IPCEF1: variants seen among roughly 807,000 people sequenced by gnomAD.
IPCEF1 encodes interaction protein for cytohesin exchange factors 1, also known as interactor protein for cytohesin exchange factors 1.
IPCEF1 carries 31 observed loss-of-function variants against 50.9 expected under a neutral mutation model. The observed-to-expected ratio is 0.61, with a 90% CI of 0.46 to 0.82. The LOEUF (loss-of-function observed/expected upper bound fraction) is 0.82, where lower values mean the gene tolerates loss of function less well. IPCEF1 is among the 40% of genes least tolerant of loss of function. The pLI, the probability that IPCEF1 is intolerant of heterozygous loss-of-function variation, is 0.00. For synonymous variants in IPCEF1, 181 were observed against 192.0 expected (o/e 0.94, Z 0.47); for missense variants, 458 against 514.0 (o/e 0.89, Z 1.05).
intron 10 of IPCEF1, among the ~76,000 whole-genome samples, chr6:154,186,671 C>T (rs1801389049): frequency 6.6e-6 from 1 of 152,152 alleles, no homozygotes; most frequent in African/African-American, 2.4e-5. Context: ...ATTCTCCTGC[C>T]TCAGCCTCCC....
At chr6:154,305,624 C>A (rs1443568520) in intron 1 of IPCEF1, among the ~76,000 whole-genome samples, 4 of 152,318 alleles carry the variant, frequency 2.6e-5, no homozygotes, top group African/African-American at 9.6e-5. Context: ...TTGAAGGATG[C>A]AAAGTATTGT....
intron 11 of IPCEF1, among the ~76,000 whole-genome samples, chr6:154,161,912 C>A (rs1400276503): frequency 6.6e-6 from 1 of 152,210 alleles, no homozygotes; most frequent in African/African-American, 2.4e-5. Context: ...ATTTTCACAT[C>A]CTTTTTCTGG....
At chr6:154,328,054 G>A (rs1345295060) in intron 1 of IPCEF1, among the ~76,000 whole-genome samples, 2 of 152,154 alleles carry the variant, frequency 1.3e-5, no homozygotes, top group East Asian at 3.9e-4. Flanking sequence ...CACACACTGG[G>A]GCCTGTCAGA....
At chr6:154,261,535 C>T (rs9322455) in intron 3 of IPCEF1, among the ~76,000 whole-genome samples, 45,656 of 152,076 alleles carry the variant, frequency 0.3, 7,349 homozygotes, top group Middle Eastern at 0.42. Flanking sequence ...GAGACTGAAC[C>T]GATAGAACTT....
intron 1 of IPCEF1, among the ~76,000 whole-genome samples, chr6:154,321,778 T>TAAAAAAAAAAA (rs61648946): frequency 9.6e-5 from 5 of 51,932 alleles, no homozygotes; most frequent in African/African-American, 1.1e-4. Flanking sequence ...AGACTCTTTC[T>TAAAAAAAAAAA]AAAAAAAAAA....
intron 1 of IPCEF1, among the ~76,000 whole-genome samples, chr6:154,352,577 G>T (rs1021329220): frequency 1.3e-5 from 2 of 152,196 alleles, no homozygotes; most frequent in Non-Finnish European, 2.9e-5. Flanking sequence ...GCTCACATTT[G>T]TTCAGCCCTT....
chr6:154,211,568 C>T (rs1410254665), intron 9 of IPCEF1, among the ~76,000 whole-genome samples: 1 of 152,128 alleles, frequency 6.6e-6, no homozygotes, highest in Non-Finnish European at 1.5e-5. Flanking sequence ...TATCTACTTC[C>T]TCATGACCTA....
chr6:154,166,321 T>C (rs912281070), intron 11 of IPCEF1, among the ~76,000 whole-genome samples: 1 of 152,162 alleles, frequency 6.6e-6, no homozygotes, highest in Non-Finnish European at 1.5e-5. Context: ...GCCGTAAAGA[T>C]CTAGAATCCT....
intron 2 of IPCEF1, among the ~76,000 whole-genome samples, chr6:154,273,031 T>C (rs987119631): frequency 2.0e-5 from 3 of 152,242 alleles, no homozygotes; most frequent in African/African-American, 4.8e-5. Flanking sequence ...AAAACAAAGA[T>C]AATTTATTGT....
At chr6:154,315,955 G>T (rs145863422) in intron 1 of IPCEF1, among the ~76,000 whole-genome samples, 4 of 152,100 alleles carry the variant, frequency 2.6e-5, no homozygotes, top group African/African-American at 7.2e-5. Context: ...CGCCTCCCAG[G>T]TTCAAGTTAT....
intron 1 of IPCEF1, among the ~76,000 whole-genome samples, chr6:154,310,048 G>T (rs990691547): frequency 4.6e-5 from 7 of 152,286 alleles, no homozygotes; most frequent in African/African-American, 1.4e-4. Flanking sequence ...ACAGGCGTGA[G>T]CCACCACACC....
At chr6:154,224,190 CA>C (rs1392690238) in intron 5 of IPCEF1, among the ~76,000 whole-genome samples, 2 of 152,160 alleles carry the variant, frequency 1.3e-5, no homozygotes, top group African/African-American at 4.8e-5. Flanking sequence ...TTTGAAAATA[CA>C]ATCTTAATTT....
Position 154,199,964 on chromosome 6 carries a change from A to C in IPCEF1, c.614T>G (p.Val205Gly). 1 of 1,614,120 alleles carries C rather than the reference A, an allele frequency of 6.2e-7. No individual in the cohort carries two copies. The highest frequency in any genetic ancestry group is 8.5e-7 in the Non-Finnish European group (1 of 1,179,956). Residue 205 changes from valine to glycine, a missense_variant, in exon 10 of 12, where the codon GTG becomes GGG. Val to Gly is a moderately radical substitution (Grantham distance 109, BLOSUM62 -3). Coordinates refer to ENST00000367220, the MANE Select transcript of IPCEF1 (RefSeq NM_001130700.2). ...GGAAGGAAAACTGCTGGGTGTCTTC[A>C]CTGTATTTTCCAGGGAAGAGAAAGA... ...SYSFSSLENT[V>G]KTPSSFPSSL...
chr6:154,335,137 A>G (rs1236154653), intron 1 of IPCEF1, among the ~76,000 whole-genome samples: 1 of 152,116 alleles, frequency 6.6e-6, no homozygotes, highest in Non-Finnish European at 1.5e-5. Flanking sequence ...ACATAGTGAG[A>G]CCCTGTCTCT....
In IPCEF1 at chr6:154,347,100, C is replaced by T. The variant is rs117916611; in HGVS notation, c.-62+9572G>A. ...GCTGAGCACTCCTAAAATCATTATT[C>T]ACCCAAACAGGCTTCCTCTGGCCTC... On this transcript the variant is annotated intron_variant, in intron 1 of 11. Coordinates refer to ENST00000367220, the MANE Select transcript of IPCEF1 (RefSeq NM_001130700.2). 1.2e-3 allele frequency among the ~76,000 whole-genome samples: 182 copies of T among 152,292 alleles called. 1 individual carries two copies. The highest frequency in any genetic ancestry group is 3.4e-3 in the Middle Eastern group (1 of 294).
chr6:154,207,367 C>T (rs947347034), intron 9 of IPCEF1, among the ~76,000 whole-genome samples: 2 of 152,180 alleles, frequency 1.3e-5, no homozygotes, highest in African/African-American at 4.8e-5. Context: ...TTTCTGTCTA[C>T]CTTTTTCTTG....
At chr6:154,233,365 T>C (rs545389075) in intron 5 of IPCEF1, among the ~76,000 whole-genome samples, 2 of 152,340 alleles carry the variant, frequency 1.3e-5, no homozygotes, top group East Asian at 3.9e-4. Flanking sequence ...ATTTGGAGAA[T>C]AATAATACTA....
intron 2 of IPCEF1, among the ~76,000 whole-genome samples, chr6:154,271,243 G>A (rs1473437601): frequency 6.6e-6 from 1 of 151,532 alleles, no homozygotes. Context: ...ATGATGGCAG[G>A]CATATGTAGT....
chr6:154,305,713 C>T (rs556214163), intron 1 of IPCEF1, among the ~76,000 whole-genome samples: 1 of 152,294 alleles, frequency 6.6e-6, no homozygotes, highest in African/African-American at 2.4e-5. Flanking sequence ...TACGGGTGGG[C>T]ACCATCCAAT....
Sources: allele counts gnomAD v4.1 joint callset (sites outside exome capture counted in the v4.1 genomes callset), GRCh38; gene constraint gnomAD v4.1.1; transcripts MANE v1.5; gene names NCBI Gene and HGNC (gene_info 2026-07-23, HGNC 2026-07-21).